SLC1A2: variants seen among roughly 807,000 people sequenced by gnomAD.
The protein encoded by SLC1A2 is solute carrier family 1 member 2.
SLC1A2 carries 15 observed loss-of-function variants against 48.8 expected under a neutral mutation model. The observed-to-expected ratio is 0.31, with a 90% CI of 0.21 to 0.47. The LOEUF is 0.47. Ranked by LOEUF, SLC1A2 falls within the 20% of genes least tolerant of loss-of-function variation. The pLI is 0.99. For synonymous variants in SLC1A2, 279 were observed against 272.6 expected, an observed-to-expected ratio of 1.02 and a Z score of -0.23; for missense variants, 502 against 730.5, an observed-to-expected ratio of 0.69 and a Z score of 3.61.
chr11:35,265,845 G>A (rs1308035704), intron 9 of SLC1A2, 87 bp from the exon 10 acceptor site: 2 of 792,374 alleles, frequency 2.5e-6, no homozygotes, highest in East Asian at 2.5e-5. Flanking sequence ...GAGAGACATA[G>A]GGTTGAGTAC....
At chr11:35,348,074 A>G (rs1853104887) in intron 1 of SLC1A2, among the ~76,000 whole-genome samples, 1 of 152,184 alleles carries the variant, frequency 6.6e-6, no homozygotes, top group Non-Finnish European at 1.5e-5. Context: ...TTTCTTATTC[A>G]TGGAAAGTGC....
chr11:35,364,823 C>T lies in SLC1A2; in HGVS notation c.18-47307G>A, dbSNP rs75556517. The stretch of plus-strand genomic sequence containing the variant: ...ATATTTATGGTCATTTATTCTCTTA[C>T]TGTGTGTGCCAGGTGCAGGGCTGAG... On this transcript the variant is annotated intron_variant, in intron 1 of 10. Coordinates refer to ENST00000278379, the MANE Select transcript of SLC1A2 (RefSeq NM_004171.4). Among the ~76,000 whole-genome samples the T allele has an allele frequency of 4.0e-3, 610 of 152,310 alleles. 2 individuals carry two copies. Among genetic ancestry groups the T allele is most frequent in the Middle Eastern group, 0.01 (3 of 294 alleles).
chr11:35,366,444 C>T (rs752756585), intron 1 of SLC1A2, among the ~76,000 whole-genome samples: 4 of 152,194 alleles, frequency 2.6e-5, no homozygotes, highest in Non-Finnish European at 4.4e-5. Flanking sequence ...GAGTAGCCTT[C>T]AACCCATGTC....
At chr11:35,370,495 G>A (rs1565282542) in intron 1 of SLC1A2, among the ~76,000 whole-genome samples, 1 of 152,154 alleles carries the variant, frequency 6.6e-6, no homozygotes, top group Non-Finnish European at 1.5e-5. Flanking sequence ...GTGACTTTGG[G>A]CAACTGTGCC....
chr11:35,353,036 A>G (rs1345819164), intron 1 of SLC1A2, among the ~76,000 whole-genome samples: 1 of 152,140 alleles, frequency 6.6e-6, no homozygotes, highest in African/African-American at 2.4e-5. Flanking sequence ...CTTGCTTCTA[A>G]GATAGGCTTT....
chr11:35,279,243 C>T (rs1474272419), intron 9 of SLC1A2, among the ~76,000 whole-genome samples: 3 of 152,240 alleles, frequency 2.0e-5, no homozygotes, highest in Non-Finnish European at 4.4e-5. Context: ...GATTACATCT[C>T]ACAGAACATC....
At chr11:35,287,647 A>T (rs984109637) in intron 7 of SLC1A2, among the ~76,000 whole-genome samples, 2 of 152,142 alleles carry the variant, frequency 1.3e-5, no homozygotes, top group African/African-American at 2.4e-5. Context: ...ATATGAAGGG[A>T]CTTCACCCCC....
At chr11:35,354,544 C>T (rs893449269) in intron 1 of SLC1A2, among the ~76,000 whole-genome samples, 18 of 152,210 alleles carry the variant, frequency 1.2e-4, no homozygotes, top group Admixed American at 2.0e-4. Flanking sequence ...TCCAACGTTT[C>T]TCTTTTGCCC....
At chr11:35,337,981 A>G (rs1565256463) in intron 1 of SLC1A2, among the ~76,000 whole-genome samples, 1 of 152,234 alleles carries the variant, frequency 6.6e-6, no homozygotes, top group Non-Finnish European at 1.5e-5. Flanking sequence ...TAACAATATA[A>G]TAATAACTAG....
At chr11:35,316,486 T>G (rs1851881952) in intron 2 of SLC1A2, 1 of 152,236 alleles carries the variant, frequency 6.6e-6, no homozygotes, top group African/African-American at 2.4e-5. Context: ...TGCCTGTGGT[T>G]TCTTATTAAG....
chr11:35,328,511 G>A (rs149613809), intron 1 of SLC1A2, among the ~76,000 whole-genome samples: 77 of 152,270 alleles, frequency 5.1e-4, no homozygotes, highest in African/African-American at 1.8e-3. Context: ...TGAAGTCATT[G>A]AATGGTTAAG....
chr11:35,330,227 C>T (rs752270418), intron 1 of SLC1A2, among the ~76,000 whole-genome samples: 2 of 152,200 alleles, frequency 1.3e-5, no homozygotes, highest in Admixed American at 6.5e-5. Context: ...TACTTACTTG[C>T]CTGTGCCTCC....
chr11:35,370,281 G>C (rs1010044095), intron 1 of SLC1A2, among the ~76,000 whole-genome samples: 39 of 152,286 alleles, frequency 2.6e-4, no homozygotes, highest in African/African-American at 8.4e-4. Context: ...CTGGGGCTAG[G>C]TTTATGTGAT....
chr11:35,380,020 T>TTATGTTAAGCA lies in SLC1A2; in HGVS notation c.17+38929_17+38930insTGCTTAACATA, dbSNP rs1854371668. Among the ~76,000 whole-genome samples the TTATGTTAAGCA allele has an allele frequency of 2.0e-5, 3 of 152,244 alleles. No homozygotes were observed. In the South Asian group the frequency reaches 6.2e-4, roughly 31 times the overall value. ...AGGTTCATTATGTTAAGCAGACACCTGATTGTCCCAGGCAATCTATAAAAG... is the reference window on the plus strand; with the variant it reads ...AGGTTCATTATGTTAAGCAGACACCTTATGTTAAGCAGATTGTCCCAGGCAATCTATAAAAG... On this transcript the variant is annotated intron_variant, in intron 1 of 10. Coordinates refer to ENST00000278379, the MANE Select transcript of SLC1A2 (RefSeq NM_004171.4).
At chr11:35,407,728 C>T (rs148363412) in intron 1 of SLC1A2, among the ~76,000 whole-genome samples, 23 of 152,310 alleles carry the variant, frequency 1.5e-4, no homozygotes, top group South Asian at 6.2e-4. Flanking sequence ...GCATGCAGCA[C>T]TGTCGGCCAC....
intron 1 of SLC1A2, among the ~76,000 whole-genome samples, chr11:35,344,307 G>A (rs1436941949): frequency 6.6e-6 from 1 of 152,136 alleles, no homozygotes; most frequent in Non-Finnish European, 1.5e-5. Context: ...AATATAAGGT[G>A]GTCAGGAGGT....
At chr11:35,413,700 G>T (rs180782985) in intron 1 of SLC1A2, 1 of 152,380 alleles carries the variant, frequency 6.6e-6, no homozygotes, top group Admixed American at 6.5e-5. Flanking sequence ...CATGTCCAGT[G>T]CTGGGAAAAA....
intron 1 of SLC1A2, among the ~76,000 whole-genome samples, chr11:35,386,642 C>A (rs1439315799): frequency 4.6e-5 from 7 of 152,128 alleles, no homozygotes; most frequent in Non-Finnish European, 1.0e-4. Flanking sequence ...AACCTTCAAG[C>A]AATATTGATA....
chr11:35,303,394 T>G (rs939396281), intron 5 of SLC1A2, among the ~76,000 whole-genome samples: 1 of 152,178 alleles, frequency 6.6e-6, no homozygotes, highest in South Asian at 2.1e-4. Context: ...GACAAATGAC[T>G]TCACAAGTAA....
Sources: gnomAD v4.1 joint callset for allele counts (sites outside exome capture counted in the v4.1 genomes callset) on GRCh38, gnomAD v4.1.1 for gene constraint, MANE v1.5 for transcripts, NCBI Gene and HGNC (gene_info 2026-07-23, HGNC 2026-07-21) for gene names.